CUBN: variants seen among roughly 807,000 people sequenced by gnomAD.
CUBN encodes 460 kDa receptor.
In CUBN, 282 loss-of-function variants were observed where a neutral mutation model predicts 405.3. The ratio of observed to expected loss-of-function variants is 0.70; its 90% CI spans 0.63 to 0.77. The LOEUF (loss-of-function observed/expected upper bound fraction) is 0.77. Ranked by LOEUF, CUBN falls within the 30% of genes least tolerant of loss-of-function variation. The probability of loss-of-function intolerance (pLI) is 0.00; values close to 1 mark genes in which losing one functional copy is unlikely to be tolerated. For missense variants in CUBN, 4,514 were observed against 4,475.2 expected (o/e 1.01, Z -0.25); for synonymous variants, 1,684 against 1,617.0 (o/e 1.04, Z -0.99).
At chr10:16,995,775 TAA>T (rs1251782209) in intron 28 of CUBN, among the ~76,000 whole-genome samples, 6 of 152,348 alleles carry the variant, frequency 3.9e-5, no homozygotes, top group Admixed American at 3.9e-4. Context: ...AAAAATTTTT[TAA>T]AAGACAATCC....
Position 16,831,270 on chromosome 10 carries a change from A to C in CUBN, c.10510T>G (p.Trp3504Gly). ...VTSDRGYEII[W>G]TSSPSGCGGT... The stretch of plus-strand genomic sequence containing the variant: ...GTCTTACCAGAGGGTGATGAAGTCC[A>C]GATGATTTCATATCCACGATCAGAA... The change falls in exon 65 of 67, where the codon TGG becomes GGG. Residue 3504 changes from tryptophan to glycine, a missense_variant. This residue lies in a region of CUBN where 1,186 missense variants were observed against 1,186.9 expected (regional missense o/e 1.00). Coordinates refer to ENST00000377833, the MANE Select transcript of CUBN (RefSeq NM_001081.4). The C allele has an allele frequency of 6.2e-7, 1 of 1,614,064 alleles. No homozygotes were observed. Among genetic ancestry groups the C allele is most frequent in the Non-Finnish European group, 8.5e-7 (1 of 1,179,904 alleles).
chr10:16,865,847 C>G lies in CUBN; in HGVS notation c.9454+3789G>C, dbSNP rs145955807. ...TTTTTGCTCTTTACAATAAACCCTG[C>G]TACCGCTCACTCTTTGGGTCCATGC... On this transcript the variant is annotated intron_variant, in intron 59 of 66. Coordinates refer to ENST00000377833, the MANE Select transcript of CUBN (RefSeq NM_001081.4). Among the ~76,000 whole-genome samples, 485 of 152,236 alleles carry G rather than the reference C, an allele frequency of 3.2e-3. 4 individuals are homozygous for G. Among genetic ancestry groups the G allele is most frequent in the African/African-American group, 0.011 (468 of 41,542 alleles).
chr10:16,967,158 C>G (rs139581461), intron 31 of CUBN, among the ~76,000 whole-genome samples: 1 of 152,222 alleles, frequency 6.6e-6, no homozygotes, highest in African/African-American at 2.4e-5. Flanking sequence ...TGATTTTTTT[C>G]CAGTTACGCT....
chr10:16,969,800 G>C (rs1459717518), intron 31 of CUBN, among the ~76,000 whole-genome samples: 2 of 152,146 alleles, frequency 1.3e-5, no homozygotes, highest in Non-Finnish European at 2.9e-5. Flanking sequence ...TCTAAGAAGA[G>C]CTTTCTATTG....
chr10:16,902,518 A>G (rs1446213897), intron 51 of CUBN, among the ~76,000 whole-genome samples: 1 of 151,964 alleles, frequency 6.6e-6, no homozygotes, highest in Non-Finnish European at 1.5e-5. Flanking sequence ...GATGTTCAAT[A>G]CAAATAATAC....
intron 17 of CUBN, among the ~76,000 whole-genome samples, chr10:17,083,233 C>T (rs1035882130): frequency 3.9e-5 from 6 of 152,064 alleles, no homozygotes; most frequent in African/African-American, 1.4e-4. Flanking sequence ...AGGCCGGTTG[C>T]AGTAGCTCAT....
intron 22 of CUBN, among the ~76,000 whole-genome samples, chr10:17,063,481 T>C (rs1355747300): frequency 6.6e-6 from 1 of 152,204 alleles, no homozygotes; most frequent in Non-Finnish European, 1.5e-5. Flanking sequence ...CCTTCACTTT[T>C]ATTGCTTGCT....
chr10:16,826,135 A>G (rs2131295119), intron 66 of CUBN, among the ~76,000 whole-genome samples: 1 of 152,304 alleles, frequency 6.6e-6, no homozygotes, highest in Non-Finnish European at 1.5e-5. Context: ...TGCAGCTGCA[A>G]GGGATATAGG....
intron 56 of CUBN, among the ~76,000 whole-genome samples, chr10:16,880,662 A>G (rs1238976200): frequency 1.3e-5 from 2 of 152,222 alleles, no homozygotes; most frequent in Admixed American, 6.5e-5. Context: ...CTTGACAAAT[A>G]CTTTTAAAAA....
chr10:17,118,763 T>A (rs1449956714), intron 6 of CUBN, among the ~76,000 whole-genome samples: 1 of 152,142 alleles, frequency 6.6e-6, no homozygotes, highest in Non-Finnish European at 1.5e-5. Context: ...CATAACAGGG[T>A]TAACAGGCAA....
intron 31 of CUBN, among the ~76,000 whole-genome samples, chr10:16,968,716 G>A (rs1177183862): frequency 1.3e-5 from 2 of 152,216 alleles, no homozygotes; most frequent in East Asian, 1.9e-4. Context: ...TAGAAGAAAG[G>A]CTCTAATTAA....
intron 3 of CUBN, 142 bp from the exon 4 acceptor site, chr10:17,126,941 C>T (rs950363913): frequency 1.4e-4 from 116 of 818,440 alleles, no homozygotes; most frequent in Admixed American, 3.5e-4. Flanking sequence ...TTTTCCTCTT[C>T]ATTCCTCTCC....
chr10:17,008,629 G>A (rs1233590931), intron 28 of CUBN, among the ~76,000 whole-genome samples: 11 of 151,824 alleles, frequency 7.2e-5, no homozygotes, highest in Admixed American at 6.6e-4. Context: ...TATCCTGCTT[G>A]CCTAGTTAAC....
intron 43 of CUBN, among the ~76,000 whole-genome samples, chr10:16,921,659 T>C (rs1447913569): frequency 2.0e-5 from 3 of 152,252 alleles, no homozygotes; most frequent in Admixed American, 2.0e-4. Context: ...CATGTCATTC[T>C]TCCTCTGGCC....
In CUBN at chr10:16,913,827, T is replaced by C; in HGVS notation, c.7517A>G (p.Asn2506Ser). ...AACACTTACTATCACATGCTCATTG[T>C]TGCAGGACGGATGCGTGGCCAGCCT... is the stretch of plus-strand genomic sequence containing the variant. ...NLRLATHPSC[N>S]NEHVIVFNGI... Residue 2506 changes from asparagine to serine, a missense_variant, in exon 48 of 67, where the codon AAC becomes AGC. By Grantham distance (46) the Asn-to-Ser change is conservative (BLOSUM62 1). This residue lies in a region of CUBN where 1,613 missense variants were observed against 1,542.8 expected (regional missense o/e 1.05). Transcript: ENST00000377833. 6.2e-7 allele frequency: 1 copy of C among 1,613,768 alleles called. No individual in the cohort carries two copies. Among genetic ancestry groups the C allele is most frequent in the Non-Finnish European group, 8.5e-7 (1 of 1,180,042 alleles).
In CUBN at chr10:16,869,749, C is replaced by A. The variant is rs758558300; in HGVS notation, c.9341G>T (p.Gly3114Val). 6.2e-6 allele frequency: 10 copies of A among 1,614,080 alleles called. No individual in the cohort carries two copies. The South Asian group carries it at 8.8e-5, about 14-fold the overall frequency. The change falls in exon 59 of 67, where the codon GGT becomes GTT. Residue 3114 changes from glycine (G) to valine (V), a missense_variant. Coordinates refer to ENST00000377833, the MANE Select transcript of CUBN (RefSeq NM_001081.4). ...TSDPLLGKFCGSKRPPNVKSS... is the reference protein window; with the variant it reads ...TSDPLLGKFCVSKRPPNVKSS... Reference sequence around the variant, plus strand: ...CTTCACATTTGGTGGGCGCTTGGAACCGCAGAATTTGCCAAGAAGGGGATC... The same window carrying A: ...CTTCACATTTGGTGGGCGCTTGGAAACGCAGAATTTGCCAAGAAGGGGATC...
chr10:16,952,161 T>C, intron 33 of CUBN, 115 bp downstream of exon 33: 1 of 756,034 alleles, frequency 1.3e-6, no homozygotes, highest in South Asian at 1.4e-5. Context: ...TTGCAAAAGA[T>C]GAAGAGGAAG....
At position 17,117,638 on chromosome 10, in the gene CUBN, G is replaced by T. The variant is rs11254378; in HGVS notation, c.594-2041C>A. On this transcript the variant is annotated intron_variant, in intron 6 of 66. Transcript: ENST00000377833. The stretch of plus-strand genomic sequence containing the variant: ...AGCAGAAGTCTCTTTTCTAGAGGTA[G>T]AGGCTGGTCTCGAACTCTTGACCTC... Among the ~76,000 whole-genome samples the T allele has an allele frequency of 6.5e-4, 99 of 152,168 alleles. 2 individuals carry two copies. Among genetic ancestry groups the T allele is most frequent in the Admixed American group, 1.9e-3 (29 of 15,288 alleles).
intron 28 of CUBN, among the ~76,000 whole-genome samples, chr10:17,015,767 C>T (rs7072262): frequency 0.24 from 36,976 of 152,090 alleles, 5,181 homozygotes; most frequent in East Asian, 0.42. Flanking sequence ...GCATAGTGGA[C>T]ATGGACGAGG....
Sources: gnomAD v4.1 joint callset for allele counts (sites outside exome capture counted in the v4.1 genomes callset) on GRCh38, gnomAD v4.1.1 for gene constraint, gnomAD v4.1.1 regional missense constraint, MANE v1.5 for transcripts, NCBI Gene and HGNC (gene_info 2026-07-23, HGNC 2026-07-21) for gene names.